The following SV2C variants were observed in gnomAD, a reference collection of about 807,000 sequenced individuals.
The protein encoded by SV2C is solute carrier family 22 member B3.
SV2C carries 49 observed loss-of-function variants against 79.7 expected under a neutral mutation model. The ratio of observed to expected loss-of-function variants is 0.61; its 90% confidence interval spans 0.49 to 0.78. The LOEUF is 0.78. Among genes scored for constraint, SV2C ranks in the 30% least tolerant of loss-of-function variants. The pLI, the probability that SV2C is intolerant of heterozygous loss-of-function variation, is 0.00. For synonymous variants in SV2C, 334 were observed against 333.2 expected, an observed-to-expected ratio of 1.00 and a Z score of -0.03; for missense variants, 833 against 912.9, an observed-to-expected ratio of 0.91 and a Z score of 1.13.
intron 2 of SV2C, among the ~76,000 whole-genome samples, chr5:76,184,452 T>A (rs2112307026): frequency 6.6e-6 from 1 of 152,364 alleles, no homozygotes; most frequent in Non-Finnish European, 1.5e-5. Context: ...TATTACCACT[T>A]GTATTAGTCC....
At chr5:76,115,903 A>G (rs557528505) in intron 1 of SV2C, among the ~76,000 whole-genome samples, 34 of 152,246 alleles carry the variant, frequency 2.2e-4, no homozygotes, top group African/African-American at 7.9e-4. Flanking sequence ...CCTCATTGCC[A>G]TTCTCTGCCT....
intron 4 of SV2C, among the ~76,000 whole-genome samples, chr5:76,239,150 CCT>C (rs1745704637): frequency 6.6e-6 from 1 of 152,112 alleles, no homozygotes; most frequent in Admixed American, 6.5e-5. Context: ...AGTTATTCTT[CCT>C]CTGTCTGCTT....
the SV2C span, among the ~76,000 whole-genome samples, chr5:75,876,923 G>C: frequency 6.6e-6 from 1 of 151,964 alleles, no homozygotes; most frequent in African/African-American, 2.4e-5. Context: ...TAAACAAAAA[G>C]AAAAATAGTG....
At chr5:76,310,312 G>A (rs1311863168) in intron 12 of SV2C, among the ~76,000 whole-genome samples, 3 of 152,216 alleles carry the variant, frequency 2.0e-5, no homozygotes, top group Non-Finnish European at 4.4e-5. Context: ...AAATAGAATG[G>A]TCTAGGGGGA....
At chr5:76,338,853 C>T (rs1290609607), downstream of SV2C, among the ~76,000 whole-genome samples, 2 of 151,960 alleles carry the variant, frequency 1.3e-5, no homozygotes, top group African/African-American at 2.4e-5. Flanking sequence ...GATGGGGTTT[C>T]ACCATGTTGG....
At chr5:76,264,274 A>G (rs1490362451) in intron 4 of SV2C, among the ~76,000 whole-genome samples, 1 of 151,808 alleles carries the variant, frequency 6.6e-6, no homozygotes, top group African/African-American at 2.4e-5. Flanking sequence ...TGTGTTTTTC[A>G]GCTCCAACAG....
In SV2C at chr5:76,332,681, G is replaced by A. The variant is rs1749219105; in HGVS notation, c.*7134G>A. 2 of 152,134 alleles carry A rather than the reference G, an allele frequency of 1.3e-5. No individual in the cohort carries two copies. The highest frequency in any genetic ancestry group is 6.5e-5 in the Admixed American group (1 of 15,278). 9.4% of individuals were successfully genotyped at this position (152,134 alleles called of 1,614,324 possible). A position where few individuals can be genotyped will look rare whatever the true frequency, so the allele number is the denominator to read the frequency against. On this transcript the variant is annotated 3_prime_UTR_variant, in exon 13 of 13. Transcript: ENST00000502798. ...TTTTTGTAGTTTGAGATCAGCTATAGTGGTGGTATTTATACCATGGAAAGC... is the reference window on the plus strand; with the variant it reads ...TTTTTGTAGTTTGAGATCAGCTATAATGGTGGTATTTATACCATGGAAAGC...
At chr5:76,133,036 T>C (rs1748953659) in intron 2 of SV2C, among the ~76,000 whole-genome samples, 1 of 152,112 alleles carries the variant, frequency 6.6e-6, no homozygotes, top group Admixed American at 6.6e-5. Context: ...ACAGCAGATT[T>C]GATTTTTGTT....
chr5:76,289,430 G>C (rs1011430850), intron 6 of SV2C, among the ~76,000 whole-genome samples: 3 of 152,130 alleles, frequency 2.0e-5, no homozygotes, highest in Non-Finnish European at 4.4e-5. Flanking sequence ...GGGCAGTGAG[G>C]GGTGGGGAAA....
At chr5:76,129,139 T>G (rs780617997) in intron 1 of SV2C, among the ~76,000 whole-genome samples, 11 of 152,238 alleles carry the variant, frequency 7.2e-5, no homozygotes, top group Non-Finnish European at 1.0e-4. Flanking sequence ...TTGAAATCAC[T>G]GTAGATTCAC....
At chr5:76,129,906 A>G (rs887012611) in intron 1 of SV2C, among the ~76,000 whole-genome samples, 1 of 152,172 alleles carries the variant, frequency 6.6e-6, no homozygotes, top group Non-Finnish European at 1.5e-5. Flanking sequence ...CATCCGTTCA[A>G]TGGATAGGAT....
At chr5:75,856,259 G>T in the SV2C span, among the ~76,000 whole-genome samples, 1 of 152,180 alleles carries the variant, frequency 6.6e-6, no homozygotes, top group Non-Finnish European at 1.5e-5. Flanking sequence ...AGACATAGGA[G>T]TGCAGAGATC....
chr5:75,921,676 G>T, the SV2C span: 5 of 613,838 alleles, frequency 8.1e-6, no homozygotes, highest in Admixed American at 8.6e-5. Flanking sequence ...TTATCTGTTG[G>T]TAAACAGCAA....
At chr5:75,995,941 C>T in the SV2C span, among the ~76,000 whole-genome samples, 1 of 152,092 alleles carries the variant, frequency 6.6e-6, no homozygotes, top group Admixed American at 6.6e-5. Flanking sequence ...ACTCTTCTCT[C>T]CAATGTACAT....
At chr5:75,928,060 A>G in the SV2C span, among the ~76,000 whole-genome samples, 1 of 152,164 alleles carries the variant, frequency 6.6e-6, no homozygotes, top group Admixed American at 6.5e-5. Context: ...TTTCTAAAAT[A>G]TAATTTTTTA....
chr5:76,006,940 TCAA>T, the SV2C span, among the ~76,000 whole-genome samples: 1 of 152,176 alleles, frequency 6.6e-6, no homozygotes, highest in African/African-American at 2.4e-5. Context: ...TTCGTCATCA[TCAA>T]CAACATGTAC....
chr5:76,030,285 T>TATTTTTTTATTTA, the SV2C span, among the ~76,000 whole-genome samples: 1 of 109,960 alleles, frequency 9.1e-6, no homozygotes, highest in African/African-American at 5.4e-5. Flanking sequence ...TTTTTTTTTT[T>TATTTTTTTATTTA]TTTTTTTATT....
the SV2C span, among the ~76,000 whole-genome samples, chr5:75,987,383 C>T: frequency 1.6e-4 from 24 of 152,058 alleles, no homozygotes; most frequent in African/African-American, 5.8e-4. Context: ...TTTCCCCCTT[C>T]CTTTGACCTG....
At chr5:76,134,318 G>T (rs1444076022) in intron 2 of SV2C, among the ~76,000 whole-genome samples, 1 of 152,132 alleles carries the variant, frequency 6.6e-6, no homozygotes, top group Admixed American at 6.5e-5. Flanking sequence ...TTCCAGACTT[G>T]CATTTCAATT....
Sources: allele counts gnomAD v4.1 joint callset (sites outside exome capture counted in the v4.1 genomes callset), GRCh38; gene constraint gnomAD v4.1.1; transcripts MANE v1.5; gene names NCBI Gene and HGNC (gene_info 2026-07-23, HGNC 2026-07-21).